The following HAO1 variants were observed in gnomAD, a reference collection of about 807,000 sequenced individuals.
HAO1 encodes hydroxyacid oxidase 1.
Under a neutral mutation model 39.7 loss-of-function variants are expected in HAO1, and 34 were observed. That is an observed-to-expected ratio of 0.86 (90% CI 0.65 to 1.14). HAO1 has a LOEUF of 1.14. HAO1 is among the 50% of genes most tolerant of loss of function. The pLI, the probability that HAO1 is intolerant of heterozygous loss-of-function variation, is 0.00. For missense variants in HAO1, 479 were observed against 464.5 expected (o/e 1.03, Z -0.29); for synonymous variants, 172 against 173.2 (o/e 0.99, Z 0.05).
At chr20:7,921,268 A>G (rs2050331003) in intron 2 of HAO1, among the ~76,000 whole-genome samples, 1 of 152,162 alleles carries the variant, frequency 6.6e-6, no homozygotes, top group African/African-American at 2.4e-5. Flanking sequence ...GACAAAACAG[A>G]TAACCCCATT....
At chr20:7,907,155 C>T (rs1044917680) in intron 3 of HAO1, among the ~76,000 whole-genome samples, 1 of 152,120 alleles carries the variant, frequency 6.6e-6, no homozygotes, top group African/African-American at 2.4e-5. Flanking sequence ...GCCTTTCCCT[C>T]CCCCTTTTAG....
intron 4 of HAO1, among the ~76,000 whole-genome samples, chr20:7,900,104 G>T (rs1451929636): frequency 6.6e-6 from 1 of 152,148 alleles, no homozygotes; most frequent in Non-Finnish European, 1.5e-5. Context: ...CCGGACACAT[G>T]ACAGCAATTT....
intron 1 of HAO1, among the ~76,000 whole-genome samples, chr20:7,936,547 TTCGCGC>T (rs2050412042): frequency 1.5e-4 from 21 of 136,648 alleles, no homozygotes; most frequent in East Asian, 9.4e-4. Flanking sequence ...TGTGTGTGTG[TTCGCGC>T]GCGCGCGCGC....
At chr20:7,929,324 A>T (rs1373164872) in intron 2 of HAO1, among the ~76,000 whole-genome samples, 3 of 152,192 alleles carry the variant, frequency 2.0e-5, no homozygotes, top group Non-Finnish European at 4.4e-5. Flanking sequence ...GCAAATAAAG[A>T]TAGTGTGTAA....
chr20:7,925,483 A>G (rs1184370394), intron 2 of HAO1, among the ~76,000 whole-genome samples: 5 of 152,174 alleles, frequency 3.3e-5, no homozygotes. Flanking sequence ...TTTCTAGGGC[A>G]GAACTCTGCA....
intron 7 of HAO1, among the ~76,000 whole-genome samples, chr20:7,884,334 C>T (rs1363871893): frequency 1.3e-5 from 2 of 152,052 alleles, no homozygotes; most frequent in African/African-American, 4.8e-5. Flanking sequence ...AAAGGGGAAA[C>T]AGACAATATA....
At chr20:7,905,492 A>G (rs1464193732) in intron 4 of HAO1, among the ~76,000 whole-genome samples, 1 of 152,350 alleles carries the variant, frequency 6.6e-6, no homozygotes, top group East Asian at 1.9e-4. Context: ...CAAAGGTTAT[A>G]TACCACAAAG....
At chr20:7,936,503 C>CGTGTGTGTGTGT (rs71183082) in intron 1 of HAO1, among the ~76,000 whole-genome samples, 9,090 of 108,950 alleles carry the variant, frequency 0.083, 563 homozygotes, top group Middle Eastern at 0.11. Flanking sequence ...GGGCAGCAGC[C>CGTGTGTGTGTGT]GTGTGTGTGT....
intron 2 of HAO1, among the ~76,000 whole-genome samples, chr20:7,927,616 T>C (rs762072388): frequency 9.2e-5 from 14 of 152,212 alleles, no homozygotes; most frequent in Non-Finnish European, 1.8e-4. Flanking sequence ...TATCTTTTGT[T>C]TGATTGTAAT....
At chr20:7,927,283 T>TA (rs1452877703) in intron 2 of HAO1, among the ~76,000 whole-genome samples, 2 of 152,182 alleles carry the variant, frequency 1.3e-5, no homozygotes, top group African/African-American at 4.8e-5. Context: ...TTATATGTGT[T>TA]AGCATTTATG....
intron 2 of HAO1, among the ~76,000 whole-genome samples, chr20:7,929,232 A>G (rs2050375572): frequency 6.6e-6 from 1 of 152,172 alleles, no homozygotes; most frequent in Non-Finnish European, 1.5e-5. Flanking sequence ...TATTTCCACT[A>G]GATGTAAATG....
chr20:7,889,740 A>T (rs1272928580), intron 5 of HAO1, among the ~76,000 whole-genome samples: 1 of 152,168 alleles, frequency 6.6e-6, no homozygotes, highest in Admixed American at 6.5e-5. Context: ...GTAATGGTGA[A>T]ATTACTTGTG....
At chr20:7,893,903 G>A (rs759440821) in intron 5 of HAO1, among the ~76,000 whole-genome samples, 3 of 152,086 alleles carry the variant, frequency 2.0e-5, no homozygotes, top group Non-Finnish European at 2.9e-5. Context: ...GAAACGGTTG[G>A]GCAGTTACAG....
At chr20:7,922,811 ACT>A in intron 2 of HAO1, among the ~76,000 whole-genome samples, 1 of 151,990 alleles carries the variant, frequency 6.6e-6, no homozygotes. Flanking sequence ...TGGTTTCTCT[ACT>A]CTTCCATTTG....
In HAO1 at chr20:7,885,819, C is replaced by T; in HGVS notation, c.859G>A (p.Glu287Lys). 1 of 1,613,360 alleles carries T rather than the reference C, an allele frequency of 6.2e-7. No homozygotes were observed. Among genetic ancestry groups the T allele is most frequent in the East Asian group, 2.2e-5 (1 of 44,856 alleles). Reference protein sequence around the residue: ...EIVEAVEGKVEVFLDGGVRKG... With the variant: ...EIVEAVEGKVKVFLDGGVRKG... Reference sequence around the variant, plus strand: ...CGCACACCCCCGTCCAGGAAGACTTCCACCTTCCCTTCCACAGCCTCCACA... The same window carrying T: ...CGCACACCCCCGTCCAGGAAGACTTTCACCTTCCCTTCCACAGCCTCCACA... The change falls in exon 6 of 8, where the codon GAA becomes AAA. Residue 287 changes from glutamate to lysine, a missense_variant. Coordinates refer to ENST00000378789, the MANE Select transcript of HAO1 (RefSeq NM_017545.3).
chr20:7,897,597 TA>T (rs1174448805), intron 4 of HAO1, among the ~76,000 whole-genome samples: 3 of 152,190 alleles, frequency 2.0e-5, no homozygotes, highest in Admixed American at 6.5e-5. Context: ...TCCCCTTTTT[TA>T]AAAAAATCAG....
intron 4 of HAO1, among the ~76,000 whole-genome samples, chr20:7,903,729 T>TGTG (rs1291237769): frequency 5.5e-4 from 69 of 124,742 alleles, no homozygotes; most frequent in Non-Finnish European, 9.0e-4. Flanking sequence ...TGGTGGTAGT[T>TGTG]GTGGTGGTGG....
intron 4 of HAO1, among the ~76,000 whole-genome samples, chr20:7,902,872 A>T (rs983039440): frequency 1.3e-5 from 2 of 152,210 alleles, no homozygotes; most frequent in South Asian, 4.1e-4. Flanking sequence ...ACAGTAAGAG[A>T]TTACATCTTC....
intron 1 of HAO1, among the ~76,000 whole-genome samples, chr20:7,936,547 TTCGC>T (rs1489600039): frequency 3.1e-4 from 42 of 136,622 alleles, no homozygotes; most frequent in East Asian, 4.7e-4. Flanking sequence ...TGTGTGTGTG[TTCGC>T]GCGCGCGCGC....
Sources: allele counts gnomAD v4.1 joint callset (sites outside exome capture counted in the v4.1 genomes callset), GRCh38; gene constraint gnomAD v4.1.1; transcripts MANE v1.5; gene names NCBI Gene and HGNC (gene_info 2026-07-23, HGNC 2026-07-21).